The following DPP10 variants were observed in gnomAD, a reference collection of about 807,000 sequenced individuals.
DPP10 encodes the protein inactive dipeptidyl peptidase 10.
Under a neutral mutation model 120.9 loss-of-function variants are expected in DPP10, and 33 were observed. The observed-to-expected ratio is 0.27, with a 90% CI of 0.21 to 0.37. The LOEUF (loss-of-function observed/expected upper bound fraction) is 0.37, where lower values mean the gene tolerates loss of function less well. Among genes scored for constraint, DPP10 ranks in the 10% least tolerant of loss-of-function variants. The pLI, the probability that DPP10 is intolerant of heterozygous loss-of-function variation, is 1.00. For synonymous variants in DPP10, 337 were observed against 326.1 expected (o/e 1.03, Z -0.36); for missense variants, 816 against 942.8 (o/e 0.87, Z 1.76).
At chr2:114,725,589 C>T (rs540500058) in intron 1 of DPP10, among the ~76,000 whole-genome samples, 9 of 152,156 alleles carry the variant, frequency 5.9e-5, no homozygotes, top group South Asian at 2.1e-4. Flanking sequence ...TTTCATATAA[C>T]GATGATGAAG....
chr2:114,697,612 T>C (rs1296329297), intron 1 of DPP10, among the ~76,000 whole-genome samples: 1 of 151,872 alleles, frequency 6.6e-6, no homozygotes, highest in Non-Finnish European at 1.5e-5. Flanking sequence ...TAGCCAGGCA[T>C]GGTGGCAGGC....
rs1558863172 is a variant in DPP10, at chr2:114,542,048, CCT to C, written c.60+99211_60+99212del. On this transcript the variant is annotated intron_variant, in intron 1 of 25. Transcript: ENST00000410059. ...TACAGTTTTTTTTCTTTCTTTCTTT[CCT>C]TTTTTTTTTTTTTTTGAGATGGAGT... is the stretch of plus-strand genomic sequence containing the variant. Among the ~76,000 whole-genome samples the C allele has an allele frequency of 3.3e-5, 4 of 122,192 alleles. 1 individual carries two copies. Among genetic ancestry groups the C allele is most frequent in the Admixed American group, 8.8e-5 (1 of 11,384 alleles). 80.2% of individuals were successfully genotyped at this position (122,192 alleles called of 152,430 possible).
At chr2:114,642,982 A>C (rs2105438897) in intron 1 of DPP10, among the ~76,000 whole-genome samples, 1 of 152,018 alleles carries the variant, frequency 6.6e-6, no homozygotes, top group East Asian at 1.9e-4. Flanking sequence ...GGGGTTATAT[A>C]CCTGTTCATA....
chr2:114,903,131 T>C (rs1327982622), intron 1 of DPP10, among the ~76,000 whole-genome samples: 1 of 152,188 alleles, frequency 6.6e-6, no homozygotes, highest in African/African-American at 2.4e-5. Flanking sequence ...GCTTAGGAGC[T>C]CATTTCTTTT....
chr2:114,847,624 G>A (rs560505135), intron 1 of DPP10, among the ~76,000 whole-genome samples: 6 of 152,264 alleles, frequency 3.9e-5, no homozygotes, highest in Non-Finnish European at 5.9e-5. Context: ...CAGAGATTAC[G>A]TGAGTGTATC....
At chr2:114,565,275 A>G (rs1689111809) in intron 1 of DPP10, among the ~76,000 whole-genome samples, 1 of 152,212 alleles carries the variant, frequency 6.6e-6, no homozygotes, top group Admixed American at 6.5e-5. Context: ...TTAGGCCTCA[A>G]AATGCCTGGT....
At chr2:115,165,057 C>T (rs1273488834) in intron 1 of DPP10, among the ~76,000 whole-genome samples, 1 of 152,188 alleles carries the variant, frequency 6.6e-6, no homozygotes. Flanking sequence ...ACAATCATTT[C>T]TTAACATGAT....
intron 1 of DPP10, among the ~76,000 whole-genome samples, chr2:114,506,114 A>G (rs1446947869): frequency 6.6e-6 from 1 of 152,222 alleles, no homozygotes; most frequent in Non-Finnish European, 1.5e-5. Context: ...CCAAAGTGAG[A>G]ACATACATAC....
Position 115,171,726 on chromosome 2 carries a change from A to C in DPP10, c.61-137513A>C, listed in dbSNP as rs540925493. Among the ~76,000 whole-genome samples, 9 of 151,952 alleles carry C rather than the reference A, an allele frequency of 5.9e-5. No homozygotes were observed. The South Asian group carries it at 1.7e-3, about 28-fold the overall frequency. On this transcript the variant is annotated intron_variant, in intron 1 of 25. Coordinates refer to ENST00000410059, the MANE Select transcript of DPP10 (RefSeq NM_020868.6). Reference sequence around the variant, plus strand: ...GCTTAAGTATAACCTTAAAAAAAAAAAACAAAAAAAAAACAAGTTTTAAAA... The same window carrying C: ...GCTTAAGTATAACCTTAAAAAAAAACAACAAAAAAAAAACAAGTTTTAAAA...
intron 5 of DPP10, among the ~76,000 whole-genome samples, chr2:115,640,332 T>C (rs1270097872): frequency 1.2e-4 from 1 of 8,258 alleles, no homozygotes; most frequent in Non-Finnish European, 2.9e-4. Flanking sequence ...TCACACTCGC[T>C]TTGTTTTCTG....
intron 1 of DPP10, among the ~76,000 whole-genome samples, chr2:115,105,582 T>C (rs192304270): frequency 7.9e-5 from 12 of 152,234 alleles, no homozygotes; most frequent in Admixed American, 7.8e-4. Context: ...GACCCAGACA[T>C]CTCCCACTTG....
chr2:114,511,115 A>G (rs183754312), intron 1 of DPP10, among the ~76,000 whole-genome samples: 1 of 152,376 alleles, frequency 6.6e-6, no homozygotes, highest in Admixed American at 6.5e-5. Context: ...CCAAAGATAA[A>G]TAAGTATGTA....
intron 1 of DPP10, among the ~76,000 whole-genome samples, chr2:114,637,791 C>T (rs537486569): frequency 6.6e-6 from 1 of 151,836 alleles, no homozygotes; most frequent in Admixed American, 6.6e-5. Flanking sequence ...GATCAGATGG[C>T]TGTATGTGTG....
chr2:114,898,091 A>T (rs1342848934), intron 1 of DPP10, among the ~76,000 whole-genome samples: 1 of 152,244 alleles, frequency 6.6e-6, no homozygotes, highest in Non-Finnish European at 1.5e-5. Flanking sequence ...AAGAGTTGGA[A>T]CCAACCCAAA....
At chr2:115,321,628 TC>T (rs1446313651) in intron 2 of DPP10, among the ~76,000 whole-genome samples, 1 of 151,888 alleles carries the variant, frequency 6.6e-6, no homozygotes, top group Non-Finnish European at 1.5e-5. Flanking sequence ...TCTGCCCTTT[TC>T]CTCTCTCTCC....
intron 21 of DPP10, among the ~76,000 whole-genome samples, chr2:115,823,146 T>C (rs918165276): frequency 5.9e-5 from 9 of 152,240 alleles, no homozygotes; most frequent in African/African-American, 2.2e-4. Flanking sequence ...TTTCCTTGTG[T>C]ACTGTTTATT....
rs143170820 is a variant in DPP10, at chr2:115,840,872, T to G, written c.2256+49T>G. 5.3e-4 allele frequency: 804 copies of G among 1,503,598 alleles called. 3 individuals carry two copies. In the African/African-American group the frequency reaches 9.9e-3, roughly 19 times the overall value. 93.1% of individuals were successfully genotyped at this position (1,503,598 alleles called of 1,614,324 possible). A position where few individuals can be genotyped will look rare whatever the true frequency, so the allele number is the denominator to read the frequency against. ...GTGTTTTCCTGCTGTGTTTTTTCAC[T>G]TGTGAGATACGCAACACAGCTTCTC... On this transcript the variant is annotated intron_variant, in intron 25 of 25. Coordinates refer to ENST00000410059, the MANE Select transcript of DPP10 (RefSeq NM_020868.6).
intron 4 of DPP10, among the ~76,000 whole-genome samples, chr2:115,520,790 T>A (rs2077760250): frequency 6.6e-6 from 1 of 152,246 alleles, no homozygotes; most frequent in Non-Finnish European, 1.5e-5. Context: ...AATGATTTCT[T>A]GCTATGATCT....
intron 1 of DPP10, among the ~76,000 whole-genome samples, chr2:114,461,276 C>A (rs1038143680): frequency 1.3e-5 from 2 of 152,118 alleles, no homozygotes; most frequent in Non-Finnish European, 2.9e-5. Flanking sequence ...TTGGCACAGC[C>A]CCCAGTTTCT....
Sources: gnomAD v4.1 joint callset for allele counts (sites outside exome capture counted in the v4.1 genomes callset) on GRCh38, gnomAD v4.1.1 for gene constraint, MANE v1.5 for transcripts, NCBI Gene and HGNC (gene_info 2026-07-23, HGNC 2026-07-21) for gene names.